CCDC150: variants seen among roughly 807,000 people sequenced by gnomAD.
CCDC150 encodes coiled-coil domain containing 150.
Under a neutral mutation model 156.5 loss-of-function variants are expected in CCDC150, and 151 were observed. The observed-to-expected ratio is 0.97, with a 90% CI of 0.85 to 1.10. The LOEUF (loss-of-function observed/expected upper bound fraction) is 1.10. Ranked by LOEUF, CCDC150 falls within the 50% of genes least tolerant of loss-of-function variation. CCDC150 has a pLI of 0.00. For missense variants in CCDC150, 1,312 were observed against 1,268.1 expected, an observed-to-expected ratio of 1.03 and a Z score of -0.53; for synonymous variants, 452 against 429.4, an observed-to-expected ratio of 1.05 and a Z score of -0.65.
intron 2 of CCDC150, 143 bp downstream of exon 2, chr2:196,646,647 G>C (rs1692558620): frequency 3.0e-6 from 2 of 657,052 alleles, no homozygotes; most frequent in Admixed American, 2.8e-5. Flanking sequence ...GAAAACATTT[G>C]CAAAATGAAG....
chr2:196,666,723 AC>A lies in CCDC150; in HGVS notation c.768del (p.His256GlnfsTer42), dbSNP rs1036264200. On this transcript the variant is annotated frameshift_variant, in exon 7 of 28. Transcript: ENST00000389175. LOFTEE classifies it high-confidence loss of function. ...STVEVERKQV[H>X]ILQQNCIALR... Reference sequence around the variant, plus strand: ...GTTTTTCTTATACAATTTCAGGTGCACATTTTGCAGCAAAACTGCATTGCTC... The same window carrying A: ...GTTTTTCTTATACAATTTCAGGTGCAATTTTGCAGCAAAACTGCATTGCTC... The A allele has an allele frequency of 6.3e-7, 1 of 1,598,284 alleles. No homozygotes were observed. Among genetic ancestry groups the A allele is most frequent in the Non-Finnish European group, 8.5e-7 (1 of 1,174,408 alleles).
Position 196,718,525 on chromosome 2 carries a change from G to A in CCDC150, c.1889G>A (p.Ser630Asn). 1 of 1,611,506 alleles carries A rather than the reference G, an allele frequency of 6.2e-7. No homozygotes were observed. The highest frequency in any genetic ancestry group is 8.5e-7 in the Non-Finnish European group (1 of 1,178,604). ...TAGGTGAAATCTATTCTTGAAAGAA[G>A]TAAAGAGGAGCTGTCCCGAACAGTG... Reference protein sequence around the residue: ...LKEVKSILERSKEELSRTVKC... With the variant: ...LKEVKSILERNKEELSRTVKC... The change falls in exon 18 of 28, where the codon AGT becomes AAT. Residue 630 changes from serine to asparagine, a missense_variant. Physicochemically the swap from Ser to Asn is conservative, Grantham distance 46. Coordinates refer to ENST00000389175, the MANE Select transcript of CCDC150 (RefSeq NM_001080539.2).
chr2:196,695,276 A>G (rs1159142066), intron 14 of CCDC150, 117 bp downstream of exon 14: 9 of 554,618 alleles, frequency 1.6e-5, no homozygotes, highest in Non-Finnish European at 2.3e-5. Context: ...TAAAAATCTA[A>G]GCAGAGATTC....
In CCDC150 at chr2:196,674,160, C is replaced by T. The variant is rs1694361800; in HGVS notation, c.1030-81C>T. 4.9e-6 allele frequency: 4 copies of T among 814,656 alleles called. No homozygotes were observed. The Admixed American group carries it at 7.1e-5, about 14-fold the overall frequency. 50.5% of individuals were successfully genotyped at this position (814,656 alleles called of 1,614,324 possible). A position where few individuals can be genotyped will look rare whatever the true frequency, so the allele number is the denominator to read the frequency against. ...TTCATATATACAGTGAGATACTATGCAATCATTAAAAATAATAATACATAA... is the reference window on the plus strand; with the variant it reads ...TTCATATATACAGTGAGATACTATGTAATCATTAAAAATAATAATACATAA... On this transcript the variant is annotated intron_variant, in intron 9 of 27. Transcript: ENST00000389175.
intron 7 of CCDC150, among the ~76,000 whole-genome samples, chr2:196,669,421 TCA>T (rs1694062811): frequency 6.6e-6 from 1 of 152,224 alleles, no homozygotes; most frequent in African/African-American, 2.4e-5. Context: ...GTTTACTGTT[TCA>T]CAGATCTGTT....
chr2:196,690,474 A>G (rs989253559), intron 13 of CCDC150, among the ~76,000 whole-genome samples: 24 of 152,206 alleles, frequency 1.6e-4, no homozygotes, highest in African/African-American at 5.8e-4. Flanking sequence ...TAAAATAGGT[A>G]AATTCATATA....
chr2:196,720,507 C>G, intron 19 of CCDC150, 68 bp from the exon 20 acceptor site: 1 of 1,297,562 alleles, frequency 7.7e-7, no homozygotes, highest in Non-Finnish European at 1.1e-6. Flanking sequence ...TGTTCTGTAA[C>G]TCCCAAATGG....
At chr2:196,707,889 G>T (rs192892245) in intron 15 of CCDC150, among the ~76,000 whole-genome samples, 6 of 152,260 alleles carry the variant, frequency 3.9e-5, no homozygotes, top group African/African-American at 1.4e-4. Flanking sequence ...TGTGATTTCT[G>T]TTCTTTTACA....
intron 5 of CCDC150, among the ~76,000 whole-genome samples, chr2:196,661,525 T>C (rs973199168): frequency 2.0e-5 from 3 of 152,184 alleles, no homozygotes; most frequent in Non-Finnish European, 4.4e-5. Flanking sequence ...TTTAATCACC[T>C]GTTGAAAGGC....
chr2:196,726,025 A>C lies in CCDC150; in HGVS notation c.2482A>C (p.Ile828Leu), dbSNP rs1277834480. ...KVEAELHAER[I>L]EALRKQFQTE... ...GGAAGCAGAATTGCATGCTGAACGC[A>C]TAGAAGCTCTAAGAAAGCAGTTTCA... The change falls in exon 22 of 28, where the codon ATA becomes CTA. Residue 828 changes from isoleucine (I) to leucine (L), a missense_variant. Physicochemically the swap from Ile to Leu is conservative, Grantham distance 5. Transcript: ENST00000389175. The C allele has an allele frequency of 1.9e-6, 3 of 1,609,620 alleles. No individual in the cohort carries two copies. The African/African-American group carries it at 4.0e-5, about 21-fold the overall frequency.
chr2:196,671,412 CT>C (rs1377674006), intron 8 of CCDC150, among the ~76,000 whole-genome samples: 2 of 141,372 alleles, frequency 1.4e-5, no homozygotes, highest in African/African-American at 2.5e-5. Flanking sequence ...GCACATTTTT[CT>C]TTCTTTTCTC....
At chr2:196,720,458 A>G (rs1697815032) in intron 19 of CCDC150, 117 bp from the exon 20 acceptor site, 1 of 711,248 alleles carries the variant, frequency 1.4e-6, no homozygotes, top group Admixed American at 2.8e-5. Context: ...TACTAGTGAT[A>G]TATAAGTATG....
At chr2:196,657,235 A>T in intron 4 of CCDC150, 99 bp downstream of exon 4, 1 of 1,159,584 alleles carries the variant, frequency 8.6e-7, no homozygotes, top group Non-Finnish European at 1.2e-6. Flanking sequence ...GGTGATGTTG[A>T]TATGAGGATT....
chr2:196,653,073 A>C (rs1480779170), intron 2 of CCDC150, among the ~76,000 whole-genome samples: 1 of 152,214 alleles, frequency 6.6e-6, no homozygotes, highest in Non-Finnish European at 1.5e-5. Flanking sequence ...GCCTGTGATA[A>C]GAGGGGCTGC....
At position 196,639,749 on chromosome 2, in the gene CCDC150, G is replaced by A. The variant is rs143950202; in HGVS notation, c.-18G>A. On this transcript the variant is annotated 5_prime_UTR_variant, in exon 1 of 28. Coordinates refer to ENST00000389175, the MANE Select transcript of CCDC150 (RefSeq NM_001080539.2). ...GAAACCCGCTCGCCTGCTGCAGTAC[G>A]GAGCCTCAGGCGGACAGATGGACTG... is the stretch of plus-strand genomic sequence containing the variant. 3.0e-3 allele frequency: 4,645 copies of A among 1,566,520 alleles called. 11 individuals are homozygous for A. The highest frequency in any genetic ancestry group is 3.4e-3 in the Middle Eastern group (20 of 5,836).
chr2:196,719,728 A>G (rs1697767727), intron 19 of CCDC150, 62 bp downstream of exon 19: 3 of 1,224,720 alleles, frequency 2.4e-6, no homozygotes, highest in African/African-American at 3.1e-5. Flanking sequence ...AGCAGTGTCA[A>G]GTCAATAAAT....
intron 5 of CCDC150, among the ~76,000 whole-genome samples, chr2:196,660,584 G>T (rs1414264744): frequency 6.6e-6 from 1 of 152,152 alleles, no homozygotes; most frequent in African/African-American, 2.4e-5. Flanking sequence ...CTTCTCATGT[G>T]TTTATTTGCC....
chr2:196,729,736 G>A (rs1258156536), intron 23 of CCDC150, 57 bp from the exon 24 acceptor site: 2 of 1,206,154 alleles, frequency 1.7e-6, no homozygotes, highest in Non-Finnish European at 2.3e-6. Context: ...TAGGCAAAAA[G>A]AGCAAGCCAG....
At chr2:196,677,051 C>T (rs1694549187) in intron 12 of CCDC150, 1 of 684,990 alleles carries the variant, frequency 1.5e-6, no homozygotes, top group African/African-American at 1.8e-5. Context: ...GGGAACAGCC[C>T]TGTCTTCCTA....
Sources: allele counts gnomAD v4.1 joint callset (sites outside exome capture counted in the v4.1 genomes callset), GRCh38; gene constraint gnomAD v4.1.1; transcripts MANE v1.5; gene names NCBI Gene and HGNC (gene_info 2026-07-23, HGNC 2026-07-21).